MIGA2: variants seen among roughly 807,000 people sequenced by gnomAD.
MIGA2 encodes family with sequence similarity 73, member B.
Under a neutral mutation model 69.9 loss-of-function variants are expected in MIGA2, and 36 were observed. The observed-to-expected ratio is 0.52, with a 90% CI of 0.39 to 0.68. The LOEUF (loss-of-function observed/expected upper bound fraction) is 0.68. Ranked by LOEUF, MIGA2 falls within the 30% of genes least tolerant of loss-of-function variation. The pLI, the probability that MIGA2 is intolerant of heterozygous loss-of-function variation, is 0.00. For missense variants in MIGA2, 660 were observed against 787.7 expected, an observed-to-expected ratio of 0.84 and a Z score of 1.94; for synonymous variants, 333 against 349.2, an observed-to-expected ratio of 0.95 and a Z score of 0.52.
Position 129,070,560 on chromosome 9 carries a change from A to AC in MIGA2, c.*112dup. ...GGGCCGTTGCCCCTGACTTTGCCCC[A>AC]CCCCCATCATCTGGGAGTCCCCAAG... On this transcript the variant is annotated 3_prime_UTR_variant, in exon 16 of 16. Coordinates refer to ENST00000684074, the MANE Select transcript of MIGA2 (RefSeq NM_001329990.2). 2 of 1,261,154 alleles carry AC rather than the reference A, an allele frequency of 1.6e-6. No individual in the cohort carries two copies. Among genetic ancestry groups the AC allele is most frequent in the Non-Finnish European group, 2.1e-6 (2 of 940,226 alleles). The allele number at this position is 1,261,154 out of a possible 1,614,324, so 78.1% of individuals were successfully genotyped here.
At position 129,061,845 on chromosome 9, in the gene MIGA2, G is replaced by C. The variant is rs1179915084; in HGVS notation, c.1010+499G>C. On this transcript the variant is annotated intron_variant, in intron 9 of 15. Coordinates refer to ENST00000684074, the MANE Select transcript of MIGA2 (RefSeq NM_001329990.2). The surrounding 1 kb of genome is among the most constrained non-coding windows in gnomAD (Gnocchi z 5.0). ...GGAGAGGTCAGGTACCCAGGCTGTG[G>C]GGACAGACAGGCCCAGACTCCAAGT... Among the ~76,000 whole-genome samples, 1 of 152,120 alleles carries C rather than the reference G, an allele frequency of 6.6e-6. No homozygotes were observed. Among genetic ancestry groups the C allele is most frequent in the East Asian group, 1.9e-4 (1 of 5,192 alleles).
rs1475134623 is a variant in MIGA2, at chr9:129,067,786, T to C, written c.1184T>C (p.Phe395Ser). Residue 395 changes from phenylalanine (F) to serine (S), a missense_variant, in exon 12 of 16, where the codon TTC becomes TCC. Transcript: ENST00000684074. ...MTKAEKSPKGFLESYEEMLSY... is the reference protein window; with the variant it reads ...MTKAEKSPKGSLESYEEMLSY... ...TTCTCTCCACAGAGCCCCAAAGGCT[T>C]CCTGGAGAGCTACGAGGAGATGCTG... The C allele has an allele frequency of 1.2e-6, 2 of 1,612,054 alleles. No individual in the cohort carries two copies. The highest frequency in any genetic ancestry group is 2.2e-5 in the South Asian group (2 of 90,566).
chr9:129,056,129 G>GACA (rs1845783422), intron 6 of MIGA2, among the ~76,000 whole-genome samples: 1 of 77,364 alleles, frequency 1.3e-5, no homozygotes, highest in East Asian at 4.4e-4. Flanking sequence ...CCTGTCTCAA[G>GACA]AAAAAAAAAA....
At chr9:129,062,989 G>A (rs1381032057) in intron 9 of MIGA2, among the ~76,000 whole-genome samples, 2 of 152,216 alleles carry the variant, frequency 1.3e-5, no homozygotes, top group East Asian at 1.9e-4. Flanking sequence ...GCCTAAGGAG[G>A]CCTCGGTCAT....
At position 129,070,663 on chromosome 9, in the gene MIGA2, A is replaced by G; in HGVS notation, c.*210A>G. 1 of 576,684 alleles carries G rather than the reference A, an allele frequency of 1.7e-6. No individual in the cohort carries two copies. Among genetic ancestry groups the G allele is most frequent in the Non-Finnish European group, 3.0e-6 (1 of 332,594 alleles). 35.7% of individuals were successfully genotyped at this position (576,684 alleles called of 1,614,324 possible). ...CCAGGACCAGTGGGGCCTGTGGGAG[A>G]GAAAGGCTGTGAGAGAGGGGGTTGT... On this transcript the variant is annotated 3_prime_UTR_variant, in exon 16 of 16. Coordinates refer to ENST00000684074, the MANE Select transcript of MIGA2 (RefSeq NM_001329990.2).
intron 6 of MIGA2, among the ~76,000 whole-genome samples, chr9:129,057,270 T>C (rs970891641): frequency 5.9e-5 from 9 of 151,924 alleles, no homozygotes; most frequent in Non-Finnish European, 1.3e-4. Flanking sequence ...TAAATATATA[T>C]GTGTATTTTA....
chr9:129,059,119 A>C lies in MIGA2; in HGVS notation c.676-35A>C, dbSNP rs1845935787. 6.3e-7 allele frequency: 1 copy of C among 1,589,640 alleles called. No homozygotes were observed. The highest frequency in any genetic ancestry group is 1.1e-5 in the South Asian group (1 of 90,500). On this transcript the variant is annotated intron_variant, in intron 6 of 15. Transcript: ENST00000684074. The surrounding 1 kb of genome is among the most constrained non-coding windows in gnomAD (Gnocchi z 5.6). The stretch of plus-strand genomic sequence containing the variant: ...GGGGCCATTTTCATCGGGAGCTTTG[A>C]GGGTCTGGGTTGAGGGTCCTTGTTT...
chr9:129,070,161 G>A, intron 15 of MIGA2, 86 bp from the exon 16 acceptor site: 1 of 1,475,098 alleles, frequency 6.8e-7, no homozygotes, highest in Non-Finnish European at 9.4e-7. Flanking sequence ...GGGCTCTGGT[G>A]GTGGACAAGG....
At position 129,070,355 on chromosome 9, in the gene MIGA2, G is replaced by A. The variant is rs1273101809; in HGVS notation, c.1684G>A (p.Glu562Lys). Residue 562 changes from glutamate (E) to lysine (K), a missense_variant, in exon 16 of 16, where the codon GAG becomes AAG. Coordinates refer to ENST00000684074, the MANE Select transcript of MIGA2 (RefSeq NM_001329990.2). The stretch of plus-strand genomic sequence containing the variant: ...CCTGCAGCTGTCCCGGCGCCGCAGC[G>A]AGATATTGCTGGGGTACCTGGGGGT... ...DILQLSRRRS[E>K]ILLGYLGVPA... 3.7e-6 allele frequency: 6 copies of A among 1,612,880 alleles called. No individual in the cohort carries two copies. The highest frequency in any genetic ancestry group is 2.7e-5 in the African/African-American group (2 of 74,954).
At chr9:129,037,000 C>A (rs1844625257) in intron 1 of MIGA2, 1 of 1,002,482 alleles carries the variant, frequency 1.0e-6, no homozygotes, top group Non-Finnish European at 1.2e-6. Context: ...CCGTGAGCGG[C>A]GCCAGAGGGT....
chr9:129,046,241 A>G (rs1845214945), intron 3 of MIGA2, among the ~76,000 whole-genome samples: 1 of 152,026 alleles, frequency 6.6e-6, no homozygotes, highest in African/African-American at 2.4e-5. Flanking sequence ...GTCCTGGGAA[A>G]CCTGGAGTCA....
intron 1 of MIGA2, 37 bp from the exon 2 acceptor site, chr9:129,040,415 C>T: frequency 5.2e-6 from 7 of 1,343,400 alleles, no homozygotes; most frequent in Non-Finnish European, 6.8e-6. Flanking sequence ...TTCCCGTGTG[C>T]ACGTTCTCTT....
chr9:129,038,799 T>TC (rs1844734103), intron 1 of MIGA2, among the ~76,000 whole-genome samples: 2 of 140,774 alleles, frequency 1.4e-5, no homozygotes, highest in African/African-American at 2.7e-5. Flanking sequence ...CTTTTTTTTT[T>TC]TTTTTTTTTT....
Position 129,068,793 on chromosome 9 carries a change from C to T in MIGA2, c.1405-283C>T. On this transcript the variant is annotated intron_variant, in intron 13 of 15. Transcript: ENST00000684074. The surrounding 1 kb of genome is among the most constrained non-coding windows in gnomAD (Gnocchi z 4.1). Reference sequence around the variant, plus strand: ...TTACAGGCGGGAACCATTGCTCCCACAACCACCAAAGGAGGTGGGAGTGCT... The same window carrying T: ...TTACAGGCGGGAACCATTGCTCCCATAACCACCAAAGGAGGTGGGAGTGCT... 2.0e-6 allele frequency: 1 copy of T among 497,412 alleles called. No individual in the cohort carries two copies. The highest frequency in any genetic ancestry group is 3.5e-5 in the East Asian group (1 of 28,702). The allele number at this position is 497,412 out of a possible 1,614,324, so 30.8% of individuals were successfully genotyped here.
At chr9:129,037,231 G>C (rs1564595777) in intron 1 of MIGA2, among the ~76,000 whole-genome samples, 1 of 152,142 alleles carries the variant, frequency 6.6e-6, no homozygotes, top group Non-Finnish European at 1.5e-5. Context: ...CGTTGTTGGG[G>C]TCCAGACGGA....
At chr9:129,058,904 C>T (rs1845925850) in intron 6 of MIGA2, among the ~76,000 whole-genome samples, 1 of 152,196 alleles carries the variant, frequency 6.6e-6, no homozygotes, top group African/African-American at 2.4e-5. Flanking sequence ...CTGAGACAGT[C>T]TATGCTTTTT....
At chr9:129,056,796 G>C (rs539824344) in intron 6 of MIGA2, among the ~76,000 whole-genome samples, 1 of 152,144 alleles carries the variant, frequency 6.6e-6, no homozygotes. Flanking sequence ...GGGATTACAG[G>C]CATGAGCCAC....
rs1368615294 is a variant in MIGA2 at position 129,069,512 on chromosome 9, G to A, written c.1459-337G>A. On this transcript the variant is annotated intron_variant, in intron 14 of 15. Coordinates refer to ENST00000684074, the MANE Select transcript of MIGA2 (RefSeq NM_001329990.2). This position sits in a 1 kb window ranked among gnomAD's most constrained non-coding sequence, Gnocchi z 4.9. ...CCTGTAATCTCCGCTCCCAGGCAGC[G>A]ACTGGCTGTGCTATCTGGCCTGTGG... 20 of 505,848 alleles carry A rather than the reference G, an allele frequency of 4.0e-5. No individual in the cohort carries two copies. The highest frequency in any genetic ancestry group is 1.7e-4 in the South Asian group (8 of 46,290). 31.3% of individuals were successfully genotyped at this position (505,848 alleles called of 1,614,324 possible). A position where few individuals can be genotyped will look rare whatever the true frequency, so the allele number is the denominator to read the frequency against.
In MIGA2 at chr9:129,070,179, A is replaced by G. The variant is rs993693307; in HGVS notation, c.1576-68A>G. On this transcript the variant is annotated intron_variant, in intron 15 of 15. Coordinates refer to ENST00000684074, the MANE Select transcript of MIGA2 (RefSeq NM_001329990.2). ...CTCTGGTGGTGGACAAGGGGACTTC[A>G]GGTAACCTGGGGGGCATCATGGTGG... is the stretch of plus-strand genomic sequence containing the variant. 13 of 1,556,900 alleles carry G rather than the reference A, an allele frequency of 8.3e-6. No homozygotes were observed. In the African/African-American group the frequency reaches 1.1e-4, roughly 13 times the overall value.
Sources: allele counts gnomAD v4.1 joint callset (sites outside exome capture counted in the v4.1 genomes callset), GRCh38; gene constraint gnomAD v4.1.1; non-coding constraint Gnocchi (gnomAD v3.1); transcripts MANE v1.5; gene names NCBI Gene and HGNC (gene_info 2026-07-23, HGNC 2026-07-21).